Variants in ACBD3 observed in about 807,000 individuals in gnomAD.
The protein encoded by ACBD3 is acyl-CoA binding domain containing 3, also known as Golgi resident protein GCP60.
Under a neutral mutation model 66.9 loss-of-function variants are expected in ACBD3, and 30 were observed. The observed-to-expected ratio is 0.45, with a 90% CI of 0.34 to 0.61. The LOEUF (loss-of-function observed/expected upper bound fraction) is 0.61. ACBD3 is among the 20% of genes least tolerant of loss of function. The pLI is 0.02. For synonymous variants in ACBD3, 278 were observed against 259.8 expected, an observed-to-expected ratio of 1.07 and a Z score of -0.68; for missense variants, 544 against 664.5, an observed-to-expected ratio of 0.82 and a Z score of 1.99.
chr1:226,165,747 T>G, intron 2 of ACBD3, 112 bp downstream of exon 2: 1 of 1,261,076 alleles, frequency 7.9e-7, no homozygotes, highest in Non-Finnish European at 1.1e-6. Context: ...GCAAAAATGT[T>G]CAGTTCTTAT....
chr1:226,163,603 A>G (rs1050533473), intron 3 of ACBD3, among the ~76,000 whole-genome samples: 2 of 152,198 alleles, frequency 1.3e-5, no homozygotes, highest in African/African-American at 2.4e-5. Flanking sequence ...CCATCTCTTG[A>G]TAACTCAGGG....
intron 5 of ACBD3, among the ~76,000 whole-genome samples, chr1:226,155,672 A>G (rs1659658350): frequency 6.6e-6 from 1 of 152,192 alleles, no homozygotes; most frequent in African/African-American, 2.4e-5. Flanking sequence ...TGGACAATTT[A>G]TTCTAACATA....
In ACBD3 at chr1:226,161,663, C is replaced by A. The variant is rs762254068; in HGVS notation, c.596G>T (p.Arg199Leu). Residue 199 changes from arginine (R) to leucine (L), a missense_variant, in exon 4 of 8, where the codon CGT (arginine) becomes CTT (leucine). Arg to Leu is a moderately radical substitution (Grantham distance 102, BLOSUM62 -2). This residue lies in a region of ACBD3 where 383 missense variants were observed against 462.4 expected (regional missense o/e 0.83). Coordinates refer to ENST00000366812, the MANE Select transcript of ACBD3 (RefSeq NM_022735.4). ...KRKEEEERRR[R>L]EEEERERLQK... Reference sequence around the variant, plus strand: ...CAGACGTTCTCTTTCTTCCTCTTCACGCCGCCTTCGCTCCTCTTCCTCCTT... The same window carrying A: ...CAGACGTTCTCTTTCTTCCTCTTCAAGCCGCCTTCGCTCCTCTTCCTCCTT... The A allele has an allele frequency of 8.7e-6, 14 of 1,604,260 alleles. No homozygotes were observed. The East Asian group carries it at 2.7e-4, about 31-fold the overall frequency.
intron 5 of ACBD3, 31 bp from the exon 6 acceptor site, chr1:226,154,864 G>T: frequency 6.4e-7 from 1 of 1,555,660 alleles, no homozygotes; most frequent in South Asian, 1.2e-5. Flanking sequence ...AAGACACACT[G>T]ACCAGGAAGG....
At chr1:226,170,164 G>GT (rs5781424) in intron 1 of ACBD3, among the ~76,000 whole-genome samples, 58,322 of 132,876 alleles carry the variant, frequency 0.44, 13,837 homozygotes, top group African/African-American at 0.5. Context: ...TTTTTTTTTG[G>GT]TTTTTTTTTT....
intron 1 of ACBD3, among the ~76,000 whole-genome samples, chr1:226,168,440 G>A (rs1488798340): frequency 2.0e-5 from 3 of 152,104 alleles, no homozygotes; most frequent in Admixed American, 6.6e-5. Context: ...GCAGATACAA[G>A]GACATTCATT....
chr1:226,159,756 G>C (rs3914142), intron 4 of ACBD3, among the ~76,000 whole-genome samples: 68,516 of 151,938 alleles, frequency 0.45, 15,662 homozygotes, highest in African/African-American at 0.51. Context: ...ACTGCTAGCA[G>C]ATGCTACAGC....
At chr1:226,169,721 A>C (rs1355334265) in intron 1 of ACBD3, among the ~76,000 whole-genome samples, 6 of 151,708 alleles carry the variant, frequency 4.0e-5, no homozygotes, top group Non-Finnish European at 5.9e-5. Flanking sequence ...TAAAACAAAA[A>C]AAAAAAAGGG....
At chr1:226,165,029 GA>G in intron 2 of ACBD3, 100 bp from the exon 3 acceptor site, 1 of 1,283,550 alleles carries the variant, frequency 7.8e-7, no homozygotes, top group Non-Finnish European at 1.0e-6. Context: ...TAAGTAAAAT[GA>G]ATGATTCTAT....
chr1:226,157,365 G>A (rs1232722772), intron 5 of ACBD3, among the ~76,000 whole-genome samples: 2 of 151,720 alleles, frequency 1.3e-5, no homozygotes, highest in Non-Finnish European at 2.9e-5. Context: ...TCAGCCTCAC[G>A]AGTAGCTGAG....
At chr1:226,175,379 C>T (rs931318054) in intron 1 of ACBD3, among the ~76,000 whole-genome samples, 1 of 152,070 alleles carries the variant, frequency 6.6e-6, no homozygotes, top group Non-Finnish European at 1.5e-5. Flanking sequence ...TAGGAAAAGA[C>T]GAAGGTAATT....
At chr1:226,156,985 A>G (rs1000347591) in intron 5 of ACBD3, among the ~76,000 whole-genome samples, 1 of 152,214 alleles carries the variant, frequency 6.6e-6, no homozygotes, top group African/African-American at 2.4e-5. Context: ...TTGTAATGAT[A>G]TATTTCCATA....
intron 1 of ACBD3, among the ~76,000 whole-genome samples, chr1:226,185,568 C>A (rs927892332): frequency 4.7e-5 from 7 of 148,530 alleles, no homozygotes; most frequent in African/African-American, 1.7e-4. Context: ...TTCCCACTGA[C>A]AAAAATCATG....
At chr1:226,155,702 T>C (rs1659658850) in intron 5 of ACBD3, among the ~76,000 whole-genome samples, 1 of 152,064 alleles carries the variant, frequency 6.6e-6, no homozygotes, top group South Asian at 2.1e-4. Flanking sequence ...AAAAAGTCAA[T>C]AAATTAAAAC....
chr1:226,181,196 G>A (rs1378408452), intron 1 of ACBD3, among the ~76,000 whole-genome samples: 1 of 152,008 alleles, frequency 6.6e-6, no homozygotes, highest in Non-Finnish European at 1.5e-5. Context: ...GATAATAAAA[G>A]GGAAAAAGAA....
At chr1:226,156,209 T>A (rs1160751392) in intron 5 of ACBD3, among the ~76,000 whole-genome samples, 1 of 152,236 alleles carries the variant, frequency 6.6e-6, no homozygotes, top group Non-Finnish European at 1.5e-5. Context: ...AACAACTATT[T>A]GACTTATAAC....
intron 7 of ACBD3, among the ~76,000 whole-genome samples, chr1:226,151,153 G>C (rs913955109): frequency 6.6e-6 from 1 of 152,140 alleles, no homozygotes; most frequent in Non-Finnish European, 1.5e-5. Flanking sequence ...CTTATTCCAT[G>C]TACTTTCAAT....
intron 7 of ACBD3, among the ~76,000 whole-genome samples, chr1:226,150,497 G>C: frequency 6.6e-6 from 1 of 152,134 alleles, no homozygotes; most frequent in East Asian, 1.9e-4. Context: ...TCCTGCCTCA[G>C]CCTCCCGAGT....
intron 1 of ACBD3, among the ~76,000 whole-genome samples, chr1:226,182,067 C>CA (rs1656182228): frequency 6.6e-6 from 1 of 151,782 alleles, no homozygotes; most frequent in African/African-American, 2.4e-5. Flanking sequence ...TCTGTCTCTA[C>CA]AAAAAATACA....
Sources: allele counts gnomAD v4.1 joint callset (sites outside exome capture counted in the v4.1 genomes callset), GRCh38; gene constraint gnomAD v4.1.1; regional missense constraint gnomAD v4.1.1; transcripts MANE v1.5; gene names NCBI Gene and HGNC (gene_info 2026-07-23, HGNC 2026-07-21).